The following PTPRO variants were observed in gnomAD, a reference collection of about 807,000 sequenced individuals.
PTPRO encodes protein tyrosine phosphatase receptor type O, also known as receptor-type tyrosine-protein phosphatase O.
Under a neutral mutation model 145.2 loss-of-function variants are expected in PTPRO, and 62 were observed. The ratio of observed to expected loss-of-function variants is 0.43; its 90% CI spans 0.35 to 0.53. The LOEUF (loss-of-function observed/expected upper bound fraction) is 0.53, where lower values mean the gene tolerates loss of function less well. PTPRO is among the 20% of genes least tolerant of loss of function. PTPRO has a pLI of 0.01. For missense variants in PTPRO, 1,345 were observed against 1,482.7 expected, an observed-to-expected ratio of 0.91 and a Z score of 1.53; for synonymous variants, 565 against 514.7, an observed-to-expected ratio of 1.10 and a Z score of -1.32.
intron 25 of PTPRO, among the ~76,000 whole-genome samples, chr12:15,591,976 G>A (rs778034567): frequency 2.0e-5 from 3 of 152,122 alleles, no homozygotes; most frequent in Non-Finnish European, 4.4e-5. Context: ...GTCAGCAAAG[G>A]GGGCAGAGGT....
chr12:15,527,577 C>T (rs938173928), intron 12 of PTPRO, among the ~76,000 whole-genome samples: 3 of 152,206 alleles, frequency 2.0e-5, no homozygotes, highest in Non-Finnish European at 2.9e-5. Flanking sequence ...GTAGGAGGTA[C>T]ATTTCACAGG....
At chr12:15,430,228 T>C (rs7305470) in intron 1 of PTPRO, among the ~76,000 whole-genome samples, 14,449 of 151,102 alleles carry the variant, frequency 0.096, 1,025 homozygotes, top group East Asian at 0.19. Flanking sequence ...GGCAGAGAGA[T>C]GAGAAAAAAC....
intron 17 of PTPRO, among the ~76,000 whole-genome samples, chr12:15,563,894 A>G (rs953887750): frequency 6.6e-6 from 1 of 152,178 alleles, no homozygotes; most frequent in African/African-American, 2.4e-5. Context: ...CTCCGCTGAC[A>G]TTCTGCTTTC....
intron 5 of PTPRO, among the ~76,000 whole-genome samples, chr12:15,502,387 C>A (rs1214575683): frequency 1.3e-5 from 2 of 152,176 alleles, no homozygotes; most frequent in African/African-American, 2.4e-5. Context: ...AATTAAAGAT[C>A]TAACTATCCC....
intron 1 of PTPRO, among the ~76,000 whole-genome samples, chr12:15,453,871 T>C (rs1941109005): frequency 6.6e-6 from 1 of 152,234 alleles, no homozygotes; most frequent in Non-Finnish European, 1.5e-5. Flanking sequence ...TAGCAAAATA[T>C]CTTCAAGTTT....
intron 1 of PTPRO, among the ~76,000 whole-genome samples, chr12:15,407,084 A>G (rs1389685906): frequency 6.6e-6 from 1 of 152,148 alleles, no homozygotes; most frequent in East Asian, 1.9e-4. Context: ...GATTTCCTTG[A>G]GCTTTTGGAT....
intron 9 of PTPRO, among the ~76,000 whole-genome samples, chr12:15,519,102 C>A (rs2052046465): frequency 6.6e-6 from 1 of 152,232 alleles, no homozygotes; most frequent in African/African-American, 2.4e-5. Context: ...GCTTACAGTT[C>A]CACGTGGCTG....
At chr12:15,582,601 A>C in intron 23 of PTPRO, among the ~76,000 whole-genome samples, 1 of 152,220 alleles carries the variant, frequency 6.6e-6, no homozygotes, top group East Asian at 1.9e-4. Flanking sequence ...TGAGGACAGA[A>C]GTGTTCTCAT....
At chr12:15,486,316 C>A (rs1267448928) in intron 2 of PTPRO, among the ~76,000 whole-genome samples, 2 of 152,130 alleles carry the variant, frequency 1.3e-5, no homozygotes, top group African/African-American at 2.4e-5. Flanking sequence ...AAGCAATATG[C>A]CTTGTGTTAA....
intron 1 of PTPRO, among the ~76,000 whole-genome samples, chr12:15,396,709 T>G (rs150458010): frequency 5.9e-5 from 9 of 152,308 alleles, no homozygotes; most frequent in Admixed American, 4.6e-4. Flanking sequence ...CAACACTGTA[T>G]GGACTTTTAT....
chr12:15,330,973 A>C (rs184802303), intron 1 of PTPRO, among the ~76,000 whole-genome samples: 57 of 152,162 alleles, frequency 3.7e-4, no homozygotes, highest in Non-Finnish European at 6.5e-4. Context: ...CAAATAAATA[A>C]ACAAAAACAG....
At chr12:15,509,781 C>G (rs1486527270) in intron 7 of PTPRO, among the ~76,000 whole-genome samples, 3 of 152,058 alleles carry the variant, frequency 2.0e-5, no homozygotes, top group Non-Finnish European at 4.4e-5. Flanking sequence ...TGGGAGACAG[C>G]TGTGCACAGA....
chr12:15,544,586 G>A (rs1325122209), intron 12 of PTPRO, among the ~76,000 whole-genome samples: 2 of 151,356 alleles, frequency 1.3e-5, no homozygotes, highest in Non-Finnish European at 2.9e-5. Context: ...TGAGAAATAA[G>A]GGAAGAGCCT....
intron 12 of PTPRO, among the ~76,000 whole-genome samples, chr12:15,544,312 G>A (rs1439589883): frequency 6.6e-6 from 1 of 151,908 alleles, no homozygotes; most frequent in Non-Finnish European, 1.5e-5. Context: ...AGACCATCCT[G>A]GCCAACATGG....
At chr12:15,464,618 C>G (rs10772854) in intron 1 of PTPRO, among the ~76,000 whole-genome samples, 77,179 of 151,414 alleles carry the variant, frequency 0.51, 21,223 homozygotes, top group Middle Eastern at 0.67. Context: ...CTTGGCCTCC[C>G]AAAGTGCTGG....
Position 15,580,782 on chromosome 12 carries a change from A to G in PTPRO, c.3083A>G (p.Gln1028Arg), listed in dbSNP as rs1944294016. 6.2e-7 allele frequency: 1 copy of G among 1,614,050 alleles called. No homozygotes were observed. Among genetic ancestry groups the G allele is most frequent in the Non-Finnish European group, 8.5e-7 (1 of 1,179,938 alleles). Residue 1028 changes from glutamine (Q) to arginine (R), a missense_variant, in exon 22 of 27, where the codon CAA (glutamine) becomes CGA (arginine). By Grantham distance (43) the Gln-to-Arg change is conservative (BLOSUM62 1). Around this residue, in one of 3 missense-constraint regions of PTPRO, gnomAD observed 208 missense variants for 242.8 expected, o/e 0.86. Transcript: ENST00000281171. ...RNDFWKMVLQ[Q>R]KSQIIVMLTQ... ...GACTTCTGGAAGATGGTCCTGCAAC[A>G]AAAGTCTCAGATTATTGTCATGCTC... is the stretch of plus-strand genomic sequence containing the variant.
At chr12:15,528,522 C>A (rs1473358947) in intron 12 of PTPRO, among the ~76,000 whole-genome samples, 102 of 130,208 alleles carry the variant, frequency 7.8e-4, no homozygotes, top group Non-Finnish European at 8.6e-4. Context: ...AAGAATCTGT[C>A]AAAAAAAAAA....
At chr12:15,452,343 T>C (rs1044767406) in intron 1 of PTPRO, among the ~76,000 whole-genome samples, 1 of 151,938 alleles carries the variant, frequency 6.6e-6, no homozygotes, top group African/African-American at 2.4e-5. Flanking sequence ...GAGATTGAAA[T>C]GGTACAAAAA....
chr12:15,538,745 C>T (rs545446290), intron 12 of PTPRO, among the ~76,000 whole-genome samples: 1 of 152,324 alleles, frequency 6.6e-6, no homozygotes, highest in African/African-American at 2.4e-5. Context: ...GTCATCCCCA[C>T]TTATATGCAA....
Sources: gnomAD v4.1 joint callset for allele counts (sites outside exome capture counted in the v4.1 genomes callset) on GRCh38, gnomAD v4.1.1 for gene constraint, gnomAD v4.1.1 regional missense constraint, MANE v1.5 for transcripts, NCBI Gene and HGNC (gene_info 2026-07-23, HGNC 2026-07-21) for gene names.